The following ERBB4 variants were observed in gnomAD, a reference collection of about 807,000 sequenced individuals.
ERBB4 encodes the protein receptor tyrosine-protein kinase erbB-4.
In ERBB4, 42 loss-of-function variants were observed where a neutral mutation model predicts 158.0. The ratio of observed to expected loss-of-function variants is 0.27; its 90% CI spans 0.21 to 0.34. The LOEUF is 0.34. Among genes scored for constraint, ERBB4 ranks in the 10% least tolerant of loss-of-function variants. ERBB4 has a pLI of 1.00. For synonymous variants in ERBB4, 583 were observed against 558.7 expected (o/e 1.04, Z -0.61); for missense variants, 1,333 against 1,624.1 (o/e 0.82, Z 3.08).
intron 9 of ERBB4, among the ~76,000 whole-genome samples, chr2:211,709,301 A>T (rs1255254834): frequency 1.4e-5 from 2 of 146,678 alleles, no homozygotes; most frequent in Non-Finnish European, 3.0e-5. Context: ...ACATATATAT[A>T]TATGAGAGAG....
chr2:212,249,952 C>T (rs2084469813), intron 1 of ERBB4, among the ~76,000 whole-genome samples: 2 of 151,932 alleles, frequency 1.3e-5, no homozygotes, highest in South Asian at 4.1e-4. Flanking sequence ...AAATCAGTTG[C>T]ACGATGTAAA....
At chr2:211,402,089 GT>G (rs2063055660) in intron 25 of ERBB4, among the ~76,000 whole-genome samples, 1 of 151,874 alleles carries the variant, frequency 6.6e-6, no homozygotes, top group Non-Finnish European at 1.5e-5. Flanking sequence ...TATCTTTCTG[GT>G]CATGAGTCTT....
rs551776791 is a variant in ERBB4 at position 212,261,557 on chromosome 2, C to T, written c.83-136654G>A. ...TTTTCATAGAAATTAAAATACTATCCACAATAATTTTGGTCAAAGATAATC... is the reference window on the plus strand; with the variant it reads ...TTTTCATAGAAATTAAAATACTATCTACAATAATTTTGGTCAAAGATAATC... On this transcript the variant is annotated intron_variant, in intron 1 of 27. Transcript: ENST00000342788. Among the ~76,000 whole-genome samples the T allele has an allele frequency of 3.9e-5, 6 of 152,070 alleles. No individual in the cohort carries two copies. In the East Asian group the frequency reaches 1.2e-3, roughly 29 times the overall value.
intron 1 of ERBB4, among the ~76,000 whole-genome samples, chr2:212,241,110 G>A (rs547763515): frequency 6.6e-6 from 1 of 152,014 alleles, no homozygotes; most frequent in African/African-American, 2.4e-5. Flanking sequence ...AAGCATTCAG[G>A]GCTATGCATA....
intron 19 of ERBB4, among the ~76,000 whole-genome samples, chr2:211,599,924 A>G (rs957673619): frequency 1.3e-5 from 2 of 152,208 alleles, no homozygotes; most frequent in African/African-American, 4.8e-5. Flanking sequence ...AAGTAAAGTT[A>G]TAAACTACCA....
At chr2:211,624,138 T>C in intron 17 of ERBB4, 94 bp from the exon 18 acceptor site, 1 of 1,448,584 alleles carries the variant, frequency 6.9e-7, no homozygotes, top group Non-Finnish European at 9.2e-7. Flanking sequence ...GTTCTCTTTC[T>C]TACAAAGAAA....
chr2:211,615,547 A>G (rs1195175578), intron 19 of ERBB4, among the ~76,000 whole-genome samples: 1 of 152,104 alleles, frequency 6.6e-6, no homozygotes, highest in Non-Finnish European at 1.5e-5. Flanking sequence ...TATTGTCATT[A>G]TGAATCCATT....
intron 2 of ERBB4, among the ~76,000 whole-genome samples, chr2:212,118,887 T>C (rs958434697): frequency 1.3e-5 from 2 of 152,076 alleles, no homozygotes; most frequent in South Asian, 4.1e-4. Context: ...TCTTTTTTAA[T>C]CTTTTTGCTT....
At chr2:212,434,688 C>G (rs183778849) in intron 1 of ERBB4, among the ~76,000 whole-genome samples, 1 of 151,910 alleles carries the variant, frequency 6.6e-6, no homozygotes, top group Non-Finnish European at 1.5e-5. Context: ...AGAATCAGAA[C>G]ATGTTCCATT....
At chr2:212,211,840 T>C (rs2082946227) in intron 1 of ERBB4, among the ~76,000 whole-genome samples, 1 of 152,028 alleles carries the variant, frequency 6.6e-6, no homozygotes, top group Non-Finnish European at 1.5e-5. Context: ...CCTGTGTTAG[T>C]TTGCTGATGA....
chr2:211,430,153 A>G (rs2063718935), intron 21 of ERBB4, among the ~76,000 whole-genome samples: 2 of 152,170 alleles, frequency 1.3e-5, no homozygotes, highest in Non-Finnish European at 2.9e-5. Flanking sequence ...AAGGCATATA[A>G]TAAATATATT....
intron 3 of ERBB4, among the ~76,000 whole-genome samples, chr2:211,934,365 T>C (rs968679538): frequency 6.6e-6 from 1 of 152,020 alleles, no homozygotes. Context: ...TTTTAGTTAG[T>C]ATTCTGGTCC....
intron 1 of ERBB4, among the ~76,000 whole-genome samples, chr2:212,217,628 G>A (rs914902027): frequency 6.6e-6 from 1 of 151,140 alleles, no homozygotes; most frequent in Non-Finnish European, 1.5e-5. Flanking sequence ...ATTTCTCACC[G>A]TGACAATCTA....
intron 3 of ERBB4, among the ~76,000 whole-genome samples, chr2:211,931,460 C>G (rs546532384): frequency 1.3e-5 from 2 of 152,020 alleles, no homozygotes; most frequent in African/African-American, 4.8e-5. Flanking sequence ...GAAAGCAAAA[C>G]TACAGCACCG....
At chr2:211,978,427 T>TATCTATCTATC (rs2081692641) in intron 2 of ERBB4, among the ~76,000 whole-genome samples, 1 of 151,934 alleles carries the variant, frequency 6.6e-6, no homozygotes, top group Non-Finnish European at 1.5e-5. Context: ...TCTATCTATC[T>TATCTATCTATC]ATCTATCTAT....
At chr2:212,382,695 C>T (rs932923081) in intron 1 of ERBB4, among the ~76,000 whole-genome samples, 2 of 150,946 alleles carry the variant, frequency 1.3e-5, no homozygotes, top group South Asian at 4.1e-4. Flanking sequence ...AGAATAACAG[C>T]GGTATTTTTT....
intron 2 of ERBB4, among the ~76,000 whole-genome samples, chr2:212,075,862 C>G (rs1324717149): frequency 1.3e-5 from 2 of 151,864 alleles, no homozygotes; most frequent in Admixed American, 1.3e-4. Flanking sequence ...AAATAATTCT[C>G]TTATGACTAG....
At chr2:212,536,713 G>T (rs907248141) in intron 1 of ERBB4, among the ~76,000 whole-genome samples, 1 of 152,094 alleles carries the variant, frequency 6.6e-6, no homozygotes, top group Non-Finnish European at 1.5e-5. Context: ...AGCTCAACTC[G>T]GAGCCGCACA....
chr2:211,427,886 G>T (rs193019798), intron 22 of ERBB4, among the ~76,000 whole-genome samples: 61 of 148,436 alleles, frequency 4.1e-4, no homozygotes, highest in African/African-American at 1.1e-3. Flanking sequence ...CAAAACCACA[G>T]CTTATGGAAA....
Sources: gnomAD v4.1 joint callset for allele counts (sites outside exome capture counted in the v4.1 genomes callset) on GRCh38, gnomAD v4.1.1 for gene constraint, MANE v1.5 for transcripts, NCBI Gene and HGNC (gene_info 2026-07-23, HGNC 2026-07-21) for gene names.